Variants in CADM3 observed in about 807,000 individuals in gnomAD.
CADM3 encodes cell adhesion molecule 3.
CADM3 carries 11 observed loss-of-function variants against 44.9 expected under a neutral mutation model. The ratio of observed to expected loss-of-function variants is 0.25; its 90% CI spans 0.15 to 0.41. The LOEUF is 0.41. Ranked by LOEUF, CADM3 falls within the 10% of genes least tolerant of loss-of-function variation. The pLI, the probability that CADM3 is intolerant of heterozygous loss-of-function variation, is 1.00. For missense variants in CADM3, 426 were observed against 512.0 expected, an observed-to-expected ratio of 0.83 and a Z score of 1.62; for synonymous variants, 207 against 205.2, an observed-to-expected ratio of 1.01 and a Z score of -0.08.
intron 3 of CADM3, 37 bp downstream of exon 3, chr1:159,192,767 T>C: frequency 6.3e-7 from 1 of 1,587,044 alleles, no homozygotes; most frequent in Non-Finnish European, 8.6e-7. Context: ...TACAGCATGC[T>C]TCCTTGCAAA....
intron 1 of CADM3, among the ~76,000 whole-genome samples, chr1:159,188,458 C>A (rs1040186481): frequency 6.6e-6 from 1 of 152,004 alleles, no homozygotes; most frequent in African/African-American, 2.4e-5. Flanking sequence ...GGCCCCCGCG[C>A]GCCCTCTCTC....
chr1:159,182,102 C>G (rs28695249), intron 1 of CADM3, among the ~76,000 whole-genome samples: 41,527 of 151,526 alleles, frequency 0.27, 5,940 homozygotes, highest in African/African-American at 0.35. Context: ...ACACACATGC[C>G]ACCTGTCCTC....
chr1:159,177,837 T>C (rs1243228419), intron 1 of CADM3, among the ~76,000 whole-genome samples: 2 of 152,206 alleles, frequency 1.3e-5, no homozygotes, highest in Non-Finnish European at 2.9e-5. Flanking sequence ...TGTTTTGTCA[T>C]ATCTGGATTC....
At chr1:159,174,794 G>A (rs1648958611) in intron 1 of CADM3, among the ~76,000 whole-genome samples, 1 of 152,158 alleles carries the variant, frequency 6.6e-6, no homozygotes, top group Admixed American at 6.5e-5. Flanking sequence ...GAGGACATAA[G>A]TCCTGTGAAC....
chr1:159,173,800 A>T (rs940458869), intron 1 of CADM3, among the ~76,000 whole-genome samples: 1 of 152,224 alleles, frequency 6.6e-6, no homozygotes, highest in Non-Finnish European at 1.5e-5. Flanking sequence ...GAAAGACGTC[A>T]TCCAGAAAGC....
intron 1 of CADM3, among the ~76,000 whole-genome samples, chr1:159,186,890 G>A (rs1199313599): frequency 1.3e-5 from 2 of 152,158 alleles, no homozygotes; most frequent in East Asian, 3.8e-4. Flanking sequence ...TAAACCCATA[G>A]AGGCAATACA....
At chr1:159,199,085 C>T (rs1650032699) in intron 7 of CADM3, among the ~76,000 whole-genome samples, 1 of 152,130 alleles carries the variant, frequency 6.6e-6, no homozygotes, top group Admixed American at 6.5e-5. Context: ...ATTGTGGCCC[C>T]TTACATCTAT....
At chr1:159,191,147 T>C (rs569934188) in intron 1 of CADM3, among the ~76,000 whole-genome samples, 13 of 152,250 alleles carry the variant, frequency 8.5e-5, no homozygotes, top group African/African-American at 2.2e-4. Flanking sequence ...TAGTCCTTTT[T>C]GTTTTGTTTT....
intron 1 of CADM3, among the ~76,000 whole-genome samples, chr1:159,176,128 G>C (rs1557928720): frequency 6.6e-6 from 1 of 152,124 alleles, no homozygotes; most frequent in Admixed American, 6.5e-5. Flanking sequence ...CTAATTCTCA[G>C]TAATGGAATT....
intron 7 of CADM3, among the ~76,000 whole-genome samples, chr1:159,198,597 A>G (rs1650008392): frequency 6.6e-6 from 1 of 152,216 alleles, no homozygotes; most frequent in African/African-American, 2.4e-5. Context: ...CTGAGGAGAC[A>G]TAAGGTAGGA....
At chr1:159,193,698 C>A in intron 4 of CADM3, 138 bp downstream of exon 4, 1 of 1,419,670 alleles carries the variant, frequency 7.0e-7, no homozygotes, top group Non-Finnish European at 9.8e-7. Context: ...CACTCAAGTG[C>A]CTATGTGTGT....
At chr1:159,177,275 C>T (rs1441039008) in intron 1 of CADM3, among the ~76,000 whole-genome samples, 5 of 152,114 alleles carry the variant, frequency 3.3e-5, no homozygotes, top group African/African-American at 1.2e-4. Flanking sequence ...ATCAACCAGA[C>T]AGGTTCAAAT....
intron 1 of CADM3, among the ~76,000 whole-genome samples, chr1:159,186,900 A>G (rs1236918032): frequency 1.3e-5 from 2 of 152,236 alleles, no homozygotes; most frequent in Non-Finnish European, 2.9e-5. Context: ...GAGGCAATAC[A>G]TCATGTACAT....
intron 1 of CADM3, among the ~76,000 whole-genome samples, chr1:159,179,222 C>T (rs1298676995): frequency 6.6e-6 from 1 of 152,142 alleles, no homozygotes; most frequent in Non-Finnish European, 1.5e-5. Flanking sequence ...ACTCTTACCC[C>T]TGGGATTCTT....
chr1:159,180,429 T>G (rs891445195), intron 1 of CADM3, among the ~76,000 whole-genome samples: 2 of 152,148 alleles, frequency 1.3e-5, no homozygotes, highest in Non-Finnish European at 2.9e-5. Flanking sequence ...AGAAGAGAGA[T>G]AAGAGTTCTT....
intron 1 of CADM3, among the ~76,000 whole-genome samples, chr1:159,181,465 C>G (rs994406056): frequency 9.2e-5 from 14 of 152,206 alleles, no homozygotes; most frequent in African/African-American, 3.4e-4. Flanking sequence ...TCCAAAACAA[C>G]TGAAGACAGT....
chr1:159,198,634 A>C (rs1650010222), intron 7 of CADM3, among the ~76,000 whole-genome samples: 1 of 152,160 alleles, frequency 6.6e-6, no homozygotes, highest in Non-Finnish European at 1.5e-5. Context: ...GGAGTCAATG[A>C]GGCATTAAGA....
At chr1:159,189,936 C>G in intron 1 of CADM3, 1 of 1,131,732 alleles carries the variant, frequency 8.8e-7, no homozygotes, top group Non-Finnish European at 1.3e-6. Flanking sequence ...CACATCCTCT[C>G]CCACTCATGT....
At chr1:159,187,472 T>C (rs1036242946) in intron 1 of CADM3, among the ~76,000 whole-genome samples, 7 of 152,222 alleles carry the variant, frequency 4.6e-5, no homozygotes, top group African/African-American at 1.7e-4. Flanking sequence ...GGTAAGTAAT[T>C]GAACCTCATT....
Sources: allele counts gnomAD v4.1 joint callset (sites outside exome capture counted in the v4.1 genomes callset), GRCh38; gene constraint gnomAD v4.1.1; transcripts MANE v1.5; gene names NCBI Gene and HGNC (gene_info 2026-07-23, HGNC 2026-07-21).